AFAP1L2: variants seen among roughly 807,000 people sequenced by gnomAD.
The protein encoded by AFAP1L2 is actin filament-associated protein 1-like 2.
In AFAP1L2, 46 loss-of-function variants were observed where a neutral mutation model predicts 99.3. The observed-to-expected ratio is 0.46, with a 90% CI of 0.37 to 0.59. AFAP1L2 has a LOEUF of 0.59. Ranked by LOEUF, AFAP1L2 falls within the 20% of genes least tolerant of loss-of-function variation. The pLI is 0.00. For synonymous variants in AFAP1L2, 397 were observed against 419.1 expected, an observed-to-expected ratio of 0.95 and a Z score of 0.64; for missense variants, 959 against 1,034.9, an observed-to-expected ratio of 0.93 and a Z score of 1.01.
rs924509490 is a variant in AFAP1L2, at chr10:114,324,412, C to T, written c.316-1151G>A. Among the ~76,000 whole-genome samples the T allele has an allele frequency of 3.8e-4, 54 of 141,694 alleles. 2 individuals carry two copies. Among genetic ancestry groups the T allele is most frequent in the Admixed American group, 3.3e-3 (48 of 14,642 alleles). The allele number at this position is 141,694 out of a possible 152,430, so 93.0% of individuals were successfully genotyped here. A position where few individuals can be genotyped will look rare whatever the true frequency, so the allele number is the denominator to read the frequency against. The stretch of plus-strand genomic sequence containing the variant: ...GGGTGCACCACCCCCCCCCCCCCCC[C>T]GGCTAATTTTTGTATTTTTAGCAGA... On this transcript the variant is annotated intron_variant, in intron 4 of 18. Coordinates refer to ENST00000304129, the MANE Select transcript of AFAP1L2 (RefSeq NM_001001936.3).
At chr10:114,373,455 T>C (rs1049153949) in intron 1 of AFAP1L2, among the ~76,000 whole-genome samples, 1 of 151,980 alleles carries the variant, frequency 6.6e-6, no homozygotes, top group Non-Finnish European at 1.5e-5. Flanking sequence ...CGAAACCCTG[T>C]CTCTACTAAA....
At chr10:114,401,971 C>T (rs1004346237) in intron 1 of AFAP1L2, among the ~76,000 whole-genome samples, 3 of 152,158 alleles carry the variant, frequency 2.0e-5, no homozygotes, top group African/African-American at 7.2e-5. Context: ...TTTCCACCTA[C>T]CTGAGAGAGG....
chr10:114,310,969 C>T (rs1246741485), intron 7 of AFAP1L2, among the ~76,000 whole-genome samples: 1 of 150,678 alleles, frequency 6.6e-6, no homozygotes, highest in East Asian at 2.0e-4. Context: ...ACCCGCCCGC[C>T]CGCCTCTGGG....
Position 114,333,360 on chromosome 10 carries a change from A to G in AFAP1L2, c.146-65T>C, listed in dbSNP as rs377343106. ...GAAGAGAAAGGGCCTCCAGCTAGAA[A>G]CCCTGTTACTCCAGAGCTGTTTTCA... On this transcript the variant is annotated intron_variant, in intron 2 of 18. Coordinates refer to ENST00000304129, the MANE Select transcript of AFAP1L2 (RefSeq NM_001001936.3). 35 of 1,302,096 alleles carry G rather than the reference A, an allele frequency of 2.7e-5. No individual in the cohort carries two copies. In the African/African-American group the frequency reaches 4.2e-4, roughly 16 times the overall value. 80.7% of individuals were successfully genotyped at this position (1,302,096 alleles called of 1,614,324 possible).
At chr10:114,403,908 G>A (rs1434580681) in intron 1 of AFAP1L2, among the ~76,000 whole-genome samples, 1 of 152,170 alleles carries the variant, frequency 6.6e-6, no homozygotes, top group Non-Finnish European at 1.5e-5. Flanking sequence ...ACGATGACCC[G>A]AACGGCAGGA....
intron 16 of AFAP1L2, among the ~76,000 whole-genome samples, chr10:114,298,204 C>G (rs1024977227): frequency 6.6e-6 from 1 of 152,116 alleles, no homozygotes; most frequent in Admixed American, 6.5e-5. Context: ...ATGGTGAAAT[C>G]CCATCTCTAC....
chr10:114,368,049 A>G (rs1411997409), intron 1 of AFAP1L2, among the ~76,000 whole-genome samples: 1 of 152,240 alleles, frequency 6.6e-6, no homozygotes, highest in Non-Finnish European at 1.5e-5. Flanking sequence ...TACTTGATAC[A>G]GTAGATAAGA....
At chr10:114,340,580 C>T (rs1285333401) in intron 2 of AFAP1L2, 23 bp downstream of exon 2, 2 of 1,609,822 alleles carry the variant, frequency 1.2e-6, no homozygotes, top group South Asian at 1.1e-5. Flanking sequence ...GAGGCCTCTG[C>T]ACCACCCAGG....
chr10:114,375,201 T>C (rs1211484051), intron 1 of AFAP1L2, among the ~76,000 whole-genome samples: 3 of 152,228 alleles, frequency 2.0e-5, no homozygotes, highest in East Asian at 1.9e-4. Context: ...TTGGCGTCCA[T>C]AGATATTTAT....
At position 114,319,704 on chromosome 10, in the gene AFAP1L2, G is replaced by A. The variant is rs567410076; in HGVS notation, c.406+3467C>T. 5.6e-5 allele frequency: 68 copies of A among 1,211,664 alleles called. 1 individual carries two copies. The South Asian group carries it at 7.1e-4, about 13-fold the overall frequency. The allele number at this position is 1,211,664 out of a possible 1,614,324, so 75.1% of individuals were successfully genotyped here. A position where few individuals can be genotyped will look rare whatever the true frequency, so the allele number is the denominator to read the frequency against. ...GAGAAGAGAGACAGAATGAAGAGAGGAGCACGCCCAAGTGCAGAGACACAA... is the reference window on the plus strand; with the variant it reads ...GAGAAGAGAGACAGAATGAAGAGAGAAGCACGCCCAAGTGCAGAGACACAA... On this transcript the variant is annotated intron_variant, in intron 5 of 18. Coordinates refer to ENST00000304129, the MANE Select transcript of AFAP1L2 (RefSeq NM_001001936.3).
intron 1 of AFAP1L2, among the ~76,000 whole-genome samples, chr10:114,362,296 C>A (rs949813977): frequency 6.6e-6 from 1 of 152,192 alleles, no homozygotes; most frequent in South Asian, 2.1e-4. Context: ...TAACCCCTAA[C>A]GCCTGTGAAT....
chr10:114,286,738 G>A, the AFAP1L2 span, among the ~76,000 whole-genome samples: 1 of 152,204 alleles, frequency 6.6e-6, no homozygotes, highest in Non-Finnish European at 1.5e-5. Context: ...TAGGTAAGAT[G>A]GGCAGTGTAC....
Position 114,307,811 on chromosome 10 carries a change from T to C in AFAP1L2, c.1066A>G (p.Thr356Ala). 1 of 1,613,816 alleles carries C rather than the reference T, an allele frequency of 6.2e-7. No individual in the cohort carries two copies. Among genetic ancestry groups the C allele is most frequent in the Non-Finnish European group, 8.5e-7 (1 of 1,179,774 alleles). ...SLEPVERSLE[T>A]SSYLNVLVNS... ...AGGTAGCTACAATTCTTACTGGATG[T>C]CTCGAGGGACCTCTCCACAGGCTCC... Residue 356 changes from threonine to alanine, a missense_variant, in exon 10 of 19, where the codon ACA (threonine) becomes GCA (alanine). Transcript: ENST00000304129.
chr10:114,360,543 A>G (rs566676376), intron 1 of AFAP1L2, among the ~76,000 whole-genome samples: 5,662 of 149,836 alleles, frequency 0.038, 372 homozygotes, highest in African/African-American at 0.13. Flanking sequence ...ATAGATAGAT[A>G]GATAGATAGA....
At chr10:114,395,529 C>T (rs144831562) in intron 1 of AFAP1L2, among the ~76,000 whole-genome samples, 293 of 152,286 alleles carry the variant, frequency 1.9e-3, no homozygotes, top group African/African-American at 6.6e-3. Context: ...AAACAATAAG[C>T]TCATTCAACA....
At chr10:114,384,511 G>A (rs1402786414) in intron 1 of AFAP1L2, among the ~76,000 whole-genome samples, 2 of 152,228 alleles carry the variant, frequency 1.3e-5, no homozygotes, top group African/African-American at 4.8e-5. Context: ...GGCTTGAATG[G>A]CATGTGGCTG....
In AFAP1L2 at chr10:114,300,381, C is replaced by T; in HGVS notation, c.1789-19G>A. 1.2e-6 allele frequency: 2 copies of T among 1,614,134 alleles called. No individual in the cohort carries two copies. The highest frequency in any genetic ancestry group is 1.7e-6 in the Non-Finnish European group (2 of 1,180,014). On this transcript the variant is annotated intron_variant, in intron 14 of 18. Coordinates refer to ENST00000304129, the MANE Select transcript of AFAP1L2 (RefSeq NM_001001936.3). ...CCAGCTGCTTTGGGGGAAAGCAGACCTGACTCAGCTGGCTGAAGGGGCGCA... is the reference window on the plus strand; with the variant it reads ...CCAGCTGCTTTGGGGGAAAGCAGACTTGACTCAGCTGGCTGAAGGGGCGCA...
rs149846490 is a variant in AFAP1L2 at position 114,297,353 on chromosome 10, C to A, written c.2174G>T (p.Gly725Val). 1.9e-6 allele frequency: 3 copies of A among 1,613,808 alleles called. No individual in the cohort carries two copies. The highest frequency in any genetic ancestry group is 2.5e-6 in the Non-Finnish European group (3 of 1,180,020). The change falls in exon 17 of 19, where the codon GGC (glycine) becomes GTC (valine). Residue 725 changes from glycine (G) to valine (V), a missense_variant. Transcript: ENST00000304129. ...KLKEIDEECR[G>V]EESRRVDLEL... ...CAGGTCCACGCGCCTGCTCTCCTCG[C>A]CCCGGCACTCCTCGTCAATTTCCTT... is the stretch of plus-strand genomic sequence containing the variant.
chr10:114,395,730 GC>G, intron 1 of AFAP1L2, among the ~76,000 whole-genome samples: 1 of 152,264 alleles, frequency 6.6e-6, no homozygotes, highest in South Asian at 2.1e-4. Flanking sequence ...TGCCCAGGCA[GC>G]CCAGGGGAGA....
Sources: allele counts gnomAD v4.1 joint callset (sites outside exome capture counted in the v4.1 genomes callset), GRCh38; gene constraint gnomAD v4.1.1; transcripts MANE v1.5; gene names NCBI Gene and HGNC (gene_info 2026-07-23, HGNC 2026-07-21).